The following NR1H4 variants were observed in gnomAD, a reference collection of about 807,000 sequenced individuals.
The protein encoded by NR1H4 is bile acid receptor.
A neutral mutation model predicts 58.5 loss-of-function variants in NR1H4; 23 were observed. That is an observed-to-expected ratio of 0.39 (90% CI 0.28 to 0.56). The LOEUF (loss-of-function observed/expected upper bound fraction) is 0.56, where lower values mean the gene tolerates loss of function less well. NR1H4 is among the 20% of genes least tolerant of loss of function. The probability of loss-of-function intolerance (pLI) is 0.58; values close to 1 mark genes in which losing one functional copy is unlikely to be tolerated. For missense variants in NR1H4, 487 were observed against 576.9 expected (o/e 0.84, Z 1.60); for synonymous variants, 214 against 198.0 (o/e 1.08, Z -0.68).
rs113639003 is a variant in NR1H4 at position 100,543,981 on chromosome 12, G to A, written c.1078+3163G>A. Among the ~76,000 whole-genome samples the A allele has an allele frequency of 2.3e-3, 355 of 152,172 alleles. 2 individuals are homozygous for A. Among genetic ancestry groups the A allele is most frequent in the African/African-American group, 7.2e-3 (298 of 41,522 alleles). ...AAGAAAATCCCAGTTGGCCGGGTGC[G>A]GTGGCTCACGCCTCTAATCCCAGCA... On this transcript the variant is annotated intron_variant, in intron 9 of 10. Coordinates refer to ENST00000392986, the MANE Select transcript of NR1H4 (RefSeq NM_001206979.2).
intron 3 of NR1H4, chr12:100,505,866 T>A (rs749156155): frequency 9.1e-5 from 37 of 406,584 alleles, no homozygotes; most frequent in Non-Finnish European, 1.5e-4. Flanking sequence ...ACTTGTTTAC[T>A]TATTTTTGTC....
intron 1 of NR1H4, among the ~76,000 whole-genome samples, chr12:100,480,801 T>C (rs1953363222): frequency 6.6e-6 from 1 of 152,208 alleles, no homozygotes; most frequent in Non-Finnish European, 1.5e-5. Context: ...TCTCTGCTGG[T>C]TATGCCTGGG....
chr12:100,518,862 C>T (rs1226406541), intron 4 of NR1H4, among the ~76,000 whole-genome samples: 2 of 146,652 alleles, frequency 1.4e-5, no homozygotes. Flanking sequence ...GCAATCTTGG[C>T]CCACAGCAAC....
chr12:100,478,798 C>T (rs953592481), intron 1 of NR1H4, among the ~76,000 whole-genome samples: 3 of 152,126 alleles, frequency 2.0e-5, no homozygotes, highest in Non-Finnish European at 4.4e-5. Context: ...ATTAAAATTG[C>T]ACTTTATTTT....
At chr12:100,511,285 T>C (rs1954108698) in intron 4 of NR1H4, 142 bp downstream of exon 4, 1 of 976,010 alleles carries the variant, frequency 1.0e-6, no homozygotes, top group Non-Finnish European at 1.6e-6. Context: ...CATCCTCACC[T>C]TTGTTGTGTA....
At chr12:100,508,410 A>G (rs1227120299) in intron 3 of NR1H4, among the ~76,000 whole-genome samples, 2 of 152,152 alleles carry the variant, frequency 1.3e-5, no homozygotes, top group African/African-American at 4.8e-5. Flanking sequence ...GAAGGGGGTA[A>G]CAAACACAAG....
intron 3 of NR1H4, among the ~76,000 whole-genome samples, chr12:100,502,232 C>T (rs1325853329): frequency 1.3e-5 from 2 of 152,156 alleles, no homozygotes; most frequent in African/African-American, 2.4e-5. Context: ...GTCCACAGAG[C>T]TAATAAGTGC....
intron 3 of NR1H4, among the ~76,000 whole-genome samples, chr12:100,502,502 C>A (rs1156315180): frequency 6.6e-6 from 1 of 152,062 alleles, no homozygotes; most frequent in African/African-American, 2.4e-5. Context: ...TCTCTGTAAC[C>A]AAATTTCCAG....
At chr12:100,556,838 CA>C (rs1955340043) in intron 9 of NR1H4, among the ~76,000 whole-genome samples, 1 of 152,106 alleles carries the variant, frequency 6.6e-6, no homozygotes, top group Non-Finnish European at 1.5e-5. Context: ...TGTACAGAAT[CA>C]AATTCGTTTA....
At chr12:100,526,437 C>G (rs1376551177) in intron 4 of NR1H4, among the ~76,000 whole-genome samples, 1 of 152,054 alleles carries the variant, frequency 6.6e-6, no homozygotes, top group Non-Finnish European at 1.5e-5. Context: ...TTATGTGTAA[C>G]CTTTTAGAAA....
At chr12:100,562,985 C>T (rs1342612294) in intron 10 of NR1H4, among the ~76,000 whole-genome samples, 2 of 152,190 alleles carry the variant, frequency 1.3e-5, no homozygotes, top group African/African-American at 4.8e-5. Flanking sequence ...AGAAAGGATG[C>T]TCACGTCCAC....
At chr12:100,541,863 C>T (rs530344535) in intron 9 of NR1H4, among the ~76,000 whole-genome samples, 91 of 152,124 alleles carry the variant, frequency 6.0e-4, no homozygotes, top group African/African-American at 2.1e-3. Flanking sequence ...TCCCAAAGTG[C>T]TAGGATTAAA....
intron 4 of NR1H4, among the ~76,000 whole-genome samples, chr12:100,512,742 C>T (rs1954154611): frequency 6.6e-6 from 1 of 152,146 alleles, no homozygotes; most frequent in Admixed American, 6.5e-5. Context: ...TTTGGGAACA[C>T]CTACCATGGG....
At chr12:100,483,137 G>C (rs1247518942) in intron 1 of NR1H4, among the ~76,000 whole-genome samples, 1 of 151,994 alleles carries the variant, frequency 6.6e-6, no homozygotes, top group Non-Finnish European at 1.5e-5. Flanking sequence ...TGTTGGCCAG[G>C]CTGGTCTCAA....
chr12:100,532,216 C>T (rs558923124), intron 4 of NR1H4, among the ~76,000 whole-genome samples: 1 of 152,188 alleles, frequency 6.6e-6, no homozygotes, highest in Non-Finnish European at 1.5e-5. Flanking sequence ...AACAAATTCA[C>T]ATTTTTCCTA....
chr12:100,515,833 G>A (rs1954252312), intron 4 of NR1H4, among the ~76,000 whole-genome samples: 1 of 152,158 alleles, frequency 6.6e-6, no homozygotes, highest in African/African-American at 2.4e-5. Context: ...ATTTGACATA[G>A]ATTCAGATTA....
At chr12:100,511,341 T>C (rs1172063509) in intron 4 of NR1H4, among the ~76,000 whole-genome samples, 198 bp downstream of exon 4, 1 of 152,234 alleles carries the variant, frequency 6.6e-6, no homozygotes, top group African/African-American at 2.4e-5. Flanking sequence ...TAGCTTAATG[T>C]TTAAGACTGT....
intron 9 of NR1H4, among the ~76,000 whole-genome samples, chr12:100,552,537 C>G (rs555879674): frequency 2.0e-5 from 3 of 152,100 alleles, no homozygotes. Flanking sequence ...TAAAGAACTA[C>G]GAAAACATAC....
chr12:100,498,170 T>C (rs1049013139), intron 3 of NR1H4, among the ~76,000 whole-genome samples: 8 of 152,252 alleles, frequency 5.3e-5, no homozygotes, highest in African/African-American at 1.9e-4. Flanking sequence ...GAAAGCGCTC[T>C]GTAAGCTGCA....
Sources: allele counts gnomAD v4.1 joint callset (sites outside exome capture counted in the v4.1 genomes callset), GRCh38; gene constraint gnomAD v4.1.1; transcripts MANE v1.5; gene names NCBI Gene and HGNC (gene_info 2026-07-23, HGNC 2026-07-21).